The following STARD9 variants were observed in gnomAD, a reference collection of about 807,000 sequenced individuals.
STARD9 encodes the protein stAR-related lipid transfer protein 9.
A neutral mutation model predicts 399.8 loss-of-function variants in STARD9; 346 were observed. That is an observed-to-expected ratio of 0.87 (90% confidence interval 0.79 to 0.95). The LOEUF (loss-of-function observed/expected upper bound fraction) is 0.95. Ranked by LOEUF, STARD9 falls within the 40% of genes least tolerant of loss-of-function variation. The probability of loss-of-function intolerance (pLI) is 0.00; values close to 1 mark genes in which losing one functional copy is unlikely to be tolerated. For missense variants in STARD9, 5,832 were observed against 5,667.5 expected, an observed-to-expected ratio of 1.03 and a Z score of -0.93; for synonymous variants, 2,203 against 2,143.5, an observed-to-expected ratio of 1.03 and a Z score of -0.77.
Position 42,685,204 on chromosome 15 carries a change from A to T in STARD9, c.3626A>T (p.Asp1209Val). 1 of 1,537,216 alleles carries T rather than the reference A, an allele frequency of 6.5e-7. No homozygotes were observed. The highest frequency in any genetic ancestry group is 8.7e-7 in the Non-Finnish European group (1 of 1,146,906). ...HRSFSLDSLIDAEEELGEDQQ... is the reference protein window; with the variant it reads ...HRSFSLDSLIVAEEELGEDQQ... ...AGCTTCTCCTTGGATAGCCTGATTG[A>T]TGCAGAGGAAGAACTGGGGGAAGAT... Residue 1209 changes from aspartate to valine, a missense_variant, in exon 23 of 33, where the codon GAT becomes GTT. Physicochemically the swap from Asp to Val is radical, Grantham distance 152. Transcript: ENST00000290607.
chr15:42,682,249 A>C lies in STARD9; in HGVS notation c.2211A>C (p.Pro737=). 6.5e-7 allele frequency: 1 copy of C among 1,537,206 alleles called. No homozygotes were observed. The highest frequency in any genetic ancestry group is 8.7e-7 in the Non-Finnish European group (1 of 1,146,890). Residue 737 remains proline (P), a synonymous_variant, in exon 22 of 33, where the codon CCA becomes CCC. Coordinates refer to ENST00000290607, the MANE Select transcript of STARD9 (RefSeq NM_020759.3). ...CAGATCCTGAGATTCAGCCATCCCC[A>C]TTTGTCCAAAGTCAGAAAAGGGTGG... is the stretch of plus-strand genomic sequence containing the variant. ...LQTDPEIQPS[P]FVQSQKRVVH...
At chr15:42,652,696 G>C in intron 9 of STARD9, 104 bp downstream of exon 9, 1 of 1,088,840 alleles carries the variant, frequency 9.2e-7, no homozygotes. Context: ...TGGTTTTTGA[G>C]ACAGGGTCTC....
At chr15:42,596,112 T>C (rs973924759) in intron 3 of STARD9, among the ~76,000 whole-genome samples, 4 of 152,178 alleles carry the variant, frequency 2.6e-5, no homozygotes, top group Admixed American at 6.6e-5. Context: ...TTTCCCCCTG[T>C]AAGACAAGGG....
At chr15:42,664,789 AACACACAC>A (rs55773330) in intron 13 of STARD9, among the ~76,000 whole-genome samples, 78 of 144,816 alleles carry the variant, frequency 5.4e-4, no homozygotes, top group African/African-American at 1.6e-3. Flanking sequence ...TTTATCCTTT[AACACACAC>A]ACACACACAC....
chr15:42,626,366 T>TTCTTCCTCTTCC (rs1555393272), intron 3 of STARD9, among the ~76,000 whole-genome samples: 3 of 144,216 alleles, frequency 2.1e-5, no homozygotes, highest in South Asian at 4.5e-4. Flanking sequence ...CCTCTTCCTC[T>TTCTTCCTCTTCC]TCTTCCTCCT....
At chr15:42,694,833 G>A (rs999223598) in intron 24 of STARD9, 108 bp downstream of exon 24, 2 of 799,208 alleles carry the variant, frequency 2.5e-6, no homozygotes. Flanking sequence ...ATAGGAGACA[G>A]GGTAAATGGA....
At chr15:42,703,215 C>T (rs2061004015) in intron 26 of STARD9, among the ~76,000 whole-genome samples, 1 of 152,086 alleles carries the variant, frequency 6.6e-6, no homozygotes, top group Admixed American at 6.5e-5. Context: ...GAACTTTTTA[C>T]CTTTCCATAC....
At chr15:42,633,179 G>T (rs994076016) in intron 3 of STARD9, among the ~76,000 whole-genome samples, 1 of 151,612 alleles carries the variant, frequency 6.6e-6, no homozygotes, top group Non-Finnish European at 1.5e-5. Flanking sequence ...GTGTAGTCTT[G>T]AGTTAGCAGC....
chr15:42,691,753 A>G lies in STARD9; in HGVS notation c.10175A>G (p.Asp3392Gly), dbSNP rs1263122734. The change falls in exon 23 of 33, where the codon GAT (aspartate) becomes GGT (glycine). Residue 3392 changes from aspartate to glycine, a missense_variant. Asp to Gly is a moderately conservative substitution (Grantham distance 94, BLOSUM62 -1). This residue lies in a region of STARD9 where 5,828 missense variants were observed against 5,651.1 expected (regional missense o/e 1.03). Transcript: ENST00000290607. Reference protein sequence around the residue: ...SNQKASSRLDDGTTDHRHLKP... With the variant: ...SNQKASSRLDGGTTDHRHLKP... ...CAGAAAGCCTCATCTCGCTTGGATGATGGGACTACCGATCACAGGCACCTG... is the reference window on the plus strand; with the variant it reads ...CAGAAAGCCTCATCTCGCTTGGATGGTGGGACTACCGATCACAGGCACCTG... The G allele has an allele frequency of 1.3e-6, 2 of 1,537,292 alleles. No homozygotes were observed. The highest frequency in any genetic ancestry group is 3.9e-5 in the Admixed American group (2 of 51,008).
At chr15:42,580,840 G>A (rs1173674735) in intron 1 of STARD9, among the ~76,000 whole-genome samples, 4 of 152,142 alleles carry the variant, frequency 2.6e-5, no homozygotes, top group African/African-American at 7.2e-5. Flanking sequence ...GAAAGCCAGA[G>A]TTTAACTGTT....
In STARD9 at chr15:42,608,763, A is replaced by T. The variant is rs141314082; in HGVS notation, c.234+23126A>T. Among the ~76,000 whole-genome samples, 737 of 152,354 alleles carry T rather than the reference A, an allele frequency of 4.8e-3. 10 individuals carry two copies. Among genetic ancestry groups the T allele is most frequent in the African/African-American group, 0.017 (708 of 41,568 alleles). On this transcript the variant is annotated intron_variant, in intron 3 of 32. Coordinates refer to ENST00000290607, the MANE Select transcript of STARD9 (RefSeq NM_020759.3). ...AAATATGAAAACGGTGCTTTGTGGA[A>T]GATACTGACCTGGTAATGTTTATCT... is the stretch of plus-strand genomic sequence containing the variant.
intron 3 of STARD9, among the ~76,000 whole-genome samples, chr15:42,595,523 C>T (rs923890778): frequency 2.0e-5 from 3 of 152,148 alleles, no homozygotes; most frequent in African/African-American, 4.8e-5. Flanking sequence ...ACTCTGCCTT[C>T]TTGAATTTTG....
At chr15:42,627,578 T>TCC (rs1201065971) in intron 3 of STARD9, among the ~76,000 whole-genome samples, 1 of 152,052 alleles carries the variant, frequency 6.6e-6, no homozygotes, top group Non-Finnish European at 1.5e-5. Flanking sequence ...CCATTAACCA[T>TCC]CCCCCTTTCC....
At chr15:42,709,254 G>C (rs919504258) in intron 26 of STARD9, among the ~76,000 whole-genome samples, 1 of 152,150 alleles carries the variant, frequency 6.6e-6, no homozygotes, top group Non-Finnish European at 1.5e-5. Context: ...CAAAAGCTAT[G>C]TTGGTGGTGC....
Position 42,692,718 on chromosome 15 carries a change from A to G in STARD9, c.11140A>G (p.Ile3714Val). Residue 3714 changes from isoleucine to valine, a missense_variant, in exon 23 of 33, where the codon ATC becomes GTC. Coordinates refer to ENST00000290607, the MANE Select transcript of STARD9 (RefSeq NM_020759.3). ...ARREQNTKRD[I>V]PDKAPQALMM... ...AAGGGAGCAGAACACCAAGAGGGAC[A>G]TCCCAGATAAAGCCCCACAGGCCCT... 6 of 1,537,100 alleles carry G rather than the reference A, an allele frequency of 3.9e-6. No individual in the cohort carries two copies. Among genetic ancestry groups the G allele is most frequent in the Non-Finnish European group, 5.2e-6 (6 of 1,146,872 alleles).
At chr15:42,711,715 C>T (rs768697830) in intron 26 of STARD9, among the ~76,000 whole-genome samples, 6 of 152,000 alleles carry the variant, frequency 3.9e-5, no homozygotes, top group Non-Finnish European at 5.9e-5. Context: ...TTTTATTTAT[C>T]CATTCTTCAG....
In STARD9 at chr15:42,665,235, G is replaced by C; in HGVS notation, c.1177-18G>C. On this transcript the variant is annotated intron_variant, in intron 13 of 32. Coordinates refer to ENST00000290607, the MANE Select transcript of STARD9 (RefSeq NM_020759.3). The stretch of plus-strand genomic sequence containing the variant: ...GACTTGATAACAATCAGTGGTGATG[G>C]AGTTCTCTGTGTTTCAGGATGCAAA... 4 of 1,531,448 alleles carry C rather than the reference G, an allele frequency of 2.6e-6. No homozygotes were observed. The highest frequency in any genetic ancestry group is 2.6e-6 in the Non-Finnish European group (3 of 1,141,782). The allele number at this position is 1,531,448 out of a possible 1,614,324, so 94.9% of individuals were successfully genotyped here. A position where few individuals can be genotyped will look rare whatever the true frequency, so the allele number is the denominator to read the frequency against.
chr15:42,602,335 G>C (rs1056579760), intron 3 of STARD9, among the ~76,000 whole-genome samples: 3 of 152,142 alleles, frequency 2.0e-5, no homozygotes, highest in South Asian at 2.1e-4. Flanking sequence ...TGATATACCT[G>C]GCTAAGGTAT....
In STARD9 at chr15:42,693,612, C is replaced by T; in HGVS notation, c.12034C>T (p.Gln4012Ter). ...TCAGCCCAGGACAACTATCGGGGTC[C>T]AAAGCAGACTGCTGCCACCACCACT... ...QLQPRTTIGV[Q>*]SRLLPPPLRH... is the part of the protein sequence containing the mutation. Residue 4012 changes from glutamine (Q) to a stop codon, truncating the protein, a stop_gained, in exon 23 of 33, where the codon CAA becomes TAA. Coordinates refer to ENST00000290607, the MANE Select transcript of STARD9 (RefSeq NM_020759.3). LOFTEE classifies it high-confidence loss of function. The T allele has an allele frequency of 6.5e-7, 1 of 1,537,236 alleles. No individual in the cohort carries two copies. The highest frequency in any genetic ancestry group is 1.2e-5 in the South Asian group (1 of 84,054).
Sources: allele counts gnomAD v4.1 joint callset (sites outside exome capture counted in the v4.1 genomes callset), GRCh38; gene constraint gnomAD v4.1.1; regional missense constraint gnomAD v4.1.1; transcripts MANE v1.5; gene names NCBI Gene and HGNC (gene_info 2026-07-23, HGNC 2026-07-21).